The following TC2N variants were observed in gnomAD, a reference collection of about 807,000 sequenced individuals.
The protein encoded by TC2N is tandem C2 domains nuclear protein.
In TC2N, 51 loss-of-function variants were observed where a neutral mutation model predicts 61.9. The observed-to-expected ratio is 0.82, with a 90% CI of 0.66 to 1.04. The LOEUF (loss-of-function observed/expected upper bound fraction) is 1.04. TC2N is among the 50% of genes least tolerant of loss of function. The pLI is 0.00. For synonymous variants in TC2N, 204 were observed against 192.6 expected (o/e 1.06, Z -0.49); for missense variants, 556 against 566.7 (o/e 0.98, Z 0.19).
chr14:91,865,730 T>G (rs1047184599), intron 1 of TC2N, among the ~76,000 whole-genome samples: 8 of 152,210 alleles, frequency 5.3e-5, no homozygotes, highest in Admixed American at 3.3e-4. Context: ...CTATAAATTT[T>G]CATAAGAATT....
At chr14:91,785,008 C>T (rs1395602991) in intron 11 of TC2N, among the ~76,000 whole-genome samples, 154 bp downstream of exon 11, 1 of 152,074 alleles carries the variant, frequency 6.6e-6, no homozygotes, top group Non-Finnish European at 1.5e-5. Flanking sequence ...AGCAAAAAGT[C>T]TGACAAGTTT....
rs1888588569 is a variant in TC2N, at chr14:91,861,564, AG to A, written c.-57+5697del. Among the ~76,000 whole-genome samples the A allele has an allele frequency of 2.0e-5, 3 of 152,320 alleles. No homozygotes were observed. The South Asian group carries it at 6.2e-4, about 32-fold the overall frequency. Reference sequence around the variant, plus strand: ...CAGAGAAAGAAAGAAGAGAGAGAAGAGAGGCAGGGGAAGAAACAAGAGGAGG... The same window carrying A: ...CAGAGAAAGAAAGAAGAGAGAGAAGAAGGCAGGGGAAGAAACAAGAGGAGG... On this transcript the variant is annotated intron_variant, in intron 1 of 11. Transcript: ENST00000435962.
intron 1 of TC2N, among the ~76,000 whole-genome samples, chr14:91,842,433 GAAC>G (rs1292719025): frequency 2.0e-5 from 3 of 152,190 alleles, no homozygotes; most frequent in Non-Finnish European, 4.4e-5. Context: ...TTACATAATA[GAAC>G]AACTGACTTT....
chr14:91,857,717 G>A (rs1888509465), intron 1 of TC2N, among the ~76,000 whole-genome samples: 1 of 152,082 alleles, frequency 6.6e-6, no homozygotes, highest in South Asian at 2.1e-4. Flanking sequence ...TTCCACTATT[G>A]GCAACAGATT....
intron 1 of TC2N, among the ~76,000 whole-genome samples, chr14:91,861,325 A>G (rs890249667): frequency 2.0e-5 from 3 of 152,234 alleles, no homozygotes; most frequent in Non-Finnish European, 4.4e-5. Flanking sequence ...ACAAAAAGCT[A>G]TGGCTTTGCT....
chr14:91,786,474 G>T (rs1473588716), intron 10 of TC2N, among the ~76,000 whole-genome samples: 1 of 152,160 alleles, frequency 6.6e-6, no homozygotes, highest in African/African-American at 2.4e-5. Flanking sequence ...AAATTTGGTA[G>T]AATCTCCCAG....
chr14:91,800,718 T>G (rs566100621), intron 4 of TC2N, among the ~76,000 whole-genome samples: 2 of 152,182 alleles, frequency 1.3e-5, no homozygotes, highest in African/African-American at 4.8e-5. Context: ...CTATTTATTA[T>G]TAATAAGCAT....
chr14:91,810,320 G>A (rs531347900), intron 3 of TC2N, among the ~76,000 whole-genome samples: 12 of 152,112 alleles, frequency 7.9e-5, no homozygotes, highest in African/African-American at 2.7e-4. Flanking sequence ...TGAATTTGGC[G>A]GGGCCAAACA....
chr14:91,812,113 C>A (rs1886795195), intron 3 of TC2N, 199 bp downstream of exon 3: 3 of 222,648 alleles, frequency 1.3e-5, no homozygotes, highest in Non-Finnish European at 2.6e-5. Context: ...ATTCTACATA[C>A]AAATTATTGT....
At chr14:91,828,885 A>G (rs1204558875) in intron 1 of TC2N, among the ~76,000 whole-genome samples, 1 of 151,996 alleles carries the variant, frequency 6.6e-6, no homozygotes, top group Non-Finnish European at 1.5e-5. Context: ...AGTGTTAGCA[A>G]CCATTGATCA....
At chr14:91,807,726 T>C (rs1886579962) in intron 3 of TC2N, among the ~76,000 whole-genome samples, 1 of 152,172 alleles carries the variant, frequency 6.6e-6, no homozygotes, top group Admixed American at 6.5e-5. Context: ...TTGTGGACTT[T>C]TGAGTTCATG....
intron 1 of TC2N, among the ~76,000 whole-genome samples, chr14:91,833,617 A>G (rs1887882579): frequency 6.6e-6 from 1 of 151,946 alleles, no homozygotes; most frequent in Non-Finnish European, 1.5e-5. Context: ...ATCCCTCCTT[A>G]CTTTCTCTTT....
intron 1 of TC2N, among the ~76,000 whole-genome samples, chr14:91,822,672 G>C (rs987341926): frequency 2.0e-5 from 3 of 151,836 alleles, no homozygotes; most frequent in Non-Finnish European, 4.4e-5. Context: ...GGACTTGGTG[G>C]GGCAGGAGGA....
rs114878256 is a variant in TC2N at position 91,804,270 on chromosome 14, A to G, written c.302-1849T>C. On this transcript the variant is annotated intron_variant, in intron 3 of 11. Transcript: ENST00000435962. ...GTAAATTGATATAATCACTATGGAAAAAGAGTTTGGCAATTTCTACTAAAG... is the reference window on the plus strand; with the variant it reads ...GTAAATTGATATAATCACTATGGAAGAAGAGTTTGGCAATTTCTACTAAAG... 7.5e-3 allele frequency among the ~76,000 whole-genome samples: 1,136 copies of G among 152,326 alleles called. 10 individuals are homozygous for G. The highest frequency in any genetic ancestry group is 0.025 in the African/African-American group (1,041 of 41,560).
intron 1 of TC2N, among the ~76,000 whole-genome samples, chr14:91,846,616 G>C (rs1273967496): frequency 6.6e-6 from 1 of 152,136 alleles, no homozygotes; most frequent in East Asian, 1.9e-4. Context: ...GAGCATCCTC[G>C]CTTTGATTCC....
At chr14:91,860,331 C>CA (rs34305755) in intron 1 of TC2N, among the ~76,000 whole-genome samples, 9,570 of 125,370 alleles carry the variant, frequency 0.076, 1,036 homozygotes, top group African/African-American at 0.26. Context: ...CATTTCCTTG[C>CA]AAAAAAAAAA....
intron 1 of TC2N, among the ~76,000 whole-genome samples, chr14:91,834,982 A>T (rs2139901173): frequency 6.6e-6 from 1 of 152,278 alleles, no homozygotes; most frequent in East Asian, 1.9e-4. Context: ...TGATACCAAT[A>T]TATCTATTGG....
chr14:91,792,358 A>T lies in TC2N; in HGVS notation c.1047+9T>A. The stretch of plus-strand genomic sequence containing the variant: ...TATGAAATACTCTTAACATACTATT[A>T]TCGCTTACAGAAATTTTTGAAGGTG... On this transcript the variant is annotated intron_variant, in intron 9 of 11. Transcript: ENST00000435962. The T allele has an allele frequency of 6.3e-7, 1 of 1,576,110 alleles. No homozygotes were observed. The highest frequency in any genetic ancestry group is 8.6e-7 in the Non-Finnish European group (1 of 1,157,202).
intron 1 of TC2N, among the ~76,000 whole-genome samples, chr14:91,840,150 G>T (rs905512275): frequency 6.6e-6 from 1 of 152,188 alleles, no homozygotes; most frequent in African/African-American, 2.4e-5. Flanking sequence ...CTGGGTCCTT[G>T]ATTGGCTTCA....
Sources: allele counts gnomAD v4.1 joint callset (sites outside exome capture counted in the v4.1 genomes callset), GRCh38; gene constraint gnomAD v4.1.1; transcripts MANE v1.5; gene names NCBI Gene and HGNC (gene_info 2026-07-23, HGNC 2026-07-21).